CCDC15: variants seen among roughly 807,000 people sequenced by gnomAD.
The protein encoded by CCDC15 is coiled-coil domain containing 15.
CCDC15 carries 105 observed loss-of-function variants against 114.5 expected under a neutral mutation model. The observed-to-expected ratio is 0.92, with a 90% CI of 0.78 to 1.08. The LOEUF is 1.08. CCDC15 is among the 50% of genes least tolerant of loss of function. The pLI, the probability that CCDC15 is intolerant of heterozygous loss-of-function variation, is 0.00. For missense variants in CCDC15, 1,105 were observed against 1,093.6 expected (o/e 1.01, Z -0.15); for synonymous variants, 334 against 377.8 (o/e 0.88, Z 1.34).
chr11:124,985,293 A>G (rs1948138361), intron 6 of CCDC15, among the ~76,000 whole-genome samples: 1 of 152,180 alleles, frequency 6.6e-6, no homozygotes, highest in South Asian at 2.1e-4. Flanking sequence ...GTGTTTATGA[A>G]TTATGAACGA....
Position 124,968,289 on chromosome 11 carries a change from G to A in CCDC15, c.517-6807G>A, listed in dbSNP as rs528021260. Among the ~76,000 whole-genome samples the A allele has an allele frequency of 2.3e-4, 35 of 152,110 alleles. No individual in the cohort carries two copies. The South Asian group carries it at 5.4e-3, about 23-fold the overall frequency. ...GAGTCTACAGAGGCAGACAGGCCTC[G>A]TTGAGCTGCAGTGGGCTCCACCCAG... On this transcript the variant is annotated intron_variant, in intron 4 of 15. Coordinates refer to ENST00000344762, the MANE Select transcript of CCDC15 (RefSeq NM_025004.3).
At chr11:124,986,947 T>G in intron 7 of CCDC15, 59 bp downstream of exon 7, 1 of 1,460,564 alleles carries the variant, frequency 6.8e-7, no homozygotes, top group South Asian at 1.5e-5. Context: ...GCCAGTAATG[T>G]TGTACTGATT....
intron 4 of CCDC15, among the ~76,000 whole-genome samples, chr11:124,968,437 T>G (rs771765605): frequency 2.6e-5 from 4 of 152,124 alleles, no homozygotes; most frequent in Non-Finnish European, 5.9e-5. Flanking sequence ...TGAGCAAGGC[T>G]CTGTGGGTGT....
In CCDC15 at chr11:124,954,581, A is replaced by G. The variant is rs76176690; in HGVS notation, c.-9-143A>G. 1.6e-3 allele frequency: 1,002 copies of G among 623,188 alleles called. 12 individuals carry two copies. The African/African-American group carries it at 0.017, about 11-fold the overall frequency. The allele number at this position is 623,188 out of a possible 1,614,324, so 38.6% of individuals were successfully genotyped here. A position where few individuals can be genotyped will look rare whatever the true frequency, so the allele number is the denominator to read the frequency against. ...TCCCTTCTTTTCTTCCTTTTTCTCT[A>G]GAATCCGTGTGTTTCCACTTCATGC... is the stretch of plus-strand genomic sequence containing the variant. On this transcript the variant is annotated intron_variant, in intron 1 of 15. Transcript: ENST00000344762.
chr11:124,968,099 A>G (rs1947815046), intron 4 of CCDC15, among the ~76,000 whole-genome samples: 1 of 152,152 alleles, frequency 6.6e-6, no homozygotes, highest in Admixed American at 6.5e-5. Flanking sequence ...CAGTTAGGCT[A>G]CAGGAGGGTC....
chr11:124,986,667 C>CTGTGTGTG (rs146292043), intron 6 of CCDC15, 75 bp from the exon 7 acceptor site: 17 of 1,089,512 alleles, frequency 1.6e-5, no homozygotes, highest in Non-Finnish European at 2.1e-5. Context: ...CTACATGGTG[C>CTGTGTGTG]TGTGTGTGTG....
chr11:125,004,738 T>C (rs1336142931), intron 12 of CCDC15, among the ~76,000 whole-genome samples: 1 of 152,062 alleles, frequency 6.6e-6, no homozygotes, highest in Non-Finnish European at 1.5e-5. Context: ...TGATACTGTT[T>C]TAATTTTGAA....
intron 6 of CCDC15, among the ~76,000 whole-genome samples, chr11:124,984,089 G>A (rs1948117593): frequency 1.3e-5 from 2 of 152,114 alleles, no homozygotes; most frequent in African/African-American, 4.8e-5. Context: ...TGCAGGCAGG[G>A]TGCGCTCACA....
chr11:125,018,331 G>A (rs1948641321), intron 13 of CCDC15, among the ~76,000 whole-genome samples: 1 of 152,044 alleles, frequency 6.6e-6, no homozygotes, highest in Non-Finnish European at 1.5e-5. Context: ...TTGTAGCCAA[G>A]GAACAATGAG....
chr11:124,966,398 G>A (rs1292650438), intron 4 of CCDC15, among the ~76,000 whole-genome samples: 1 of 151,592 alleles, frequency 6.6e-6, no homozygotes, highest in Non-Finnish European at 1.5e-5. Context: ...TTATGTAATG[G>A]CCTTGTCTCT....
intron 15 of CCDC15, chr11:125,039,306 C>A (rs1948799761): frequency 2.5e-6 from 1 of 399,946 alleles, no homozygotes; most frequent in Non-Finnish European, 4.4e-6. Flanking sequence ...GCTCATTCTA[C>A]TGTAGGAGGT....
chr11:124,982,244 A>G (rs1374654201), intron 6 of CCDC15, among the ~76,000 whole-genome samples: 2 of 152,168 alleles, frequency 1.3e-5, no homozygotes, highest in African/African-American at 4.8e-5. Context: ...TCTTTACCCA[A>G]CTTGCCACTC....
intron 11 of CCDC15, among the ~76,000 whole-genome samples, 152 bp from the exon 12 acceptor site, chr11:125,003,715 T>C (rs1948514933): frequency 6.6e-6 from 1 of 152,072 alleles, no homozygotes; most frequent in Admixed American, 6.6e-5. Flanking sequence ...TCATTCTTTT[T>C]TGATTTTATT....
At chr11:124,955,280 A>G (rs913878341) in intron 2 of CCDC15, among the ~76,000 whole-genome samples, 3 of 152,238 alleles carry the variant, frequency 2.0e-5, no homozygotes, top group Non-Finnish European at 4.4e-5. Context: ...GATAGTTGGC[A>G]TACTTCAAGT....
chr11:124,985,586 C>G (rs1948144657), intron 6 of CCDC15, among the ~76,000 whole-genome samples: 1 of 152,008 alleles, frequency 6.6e-6, no homozygotes, highest in African/African-American at 2.4e-5. Flanking sequence ...GACTAATGAT[C>G]TTCAGTATCT....
intron 13 of CCDC15, among the ~76,000 whole-genome samples, chr11:125,011,236 A>ATTTTTT (rs1223910842): frequency 2.2e-5 from 3 of 133,622 alleles, no homozygotes; most frequent in African/African-American, 9.3e-5. Context: ...TATTATTATT[A>ATTTTTT]TTATTATTAT....
At chr11:124,955,133 T>C (rs1217159699) in intron 2 of CCDC15, among the ~76,000 whole-genome samples, 1 of 152,238 alleles carries the variant, frequency 6.6e-6, no homozygotes, top group Non-Finnish European at 1.5e-5. Flanking sequence ...TACTATAATA[T>C]ATAGAGCATA....
chr11:125,006,820 A>G (rs1021079021), intron 13 of CCDC15, among the ~76,000 whole-genome samples: 3 of 152,130 alleles, frequency 2.0e-5, no homozygotes, highest in Non-Finnish European at 4.4e-5. Context: ...GTTAAAAATC[A>G]GTTGACTGCA....
In CCDC15 at chr11:125,031,827, C is replaced by T. The variant is rs4277126; in HGVS notation, c.2412-6604C>T. On this transcript the variant is annotated intron_variant, in intron 13 of 15. Transcript: ENST00000344762. ...GTAGAGCCTTCTCCTGTTCTGGACC[C>T]CACTCAAAACTGGCAGCCTTTCAGG... 8.7e-3 allele frequency among the ~76,000 whole-genome samples: 1,332 copies of T among 152,284 alleles called. 7 individuals are homozygous for T. Among genetic ancestry groups the T allele is most frequent in the Non-Finnish European group, 0.013 (856 of 68,040 alleles).
Sources: gnomAD v4.1 joint callset for allele counts (sites outside exome capture counted in the v4.1 genomes callset) on GRCh38, gnomAD v4.1.1 for gene constraint, MANE v1.5 for transcripts, NCBI Gene and HGNC (gene_info 2026-07-23, HGNC 2026-07-21) for gene names.